Variants in MFHAS1 observed in about 807,000 individuals in gnomAD.
The protein encoded by MFHAS1 is malignant fibrous histiocytoma-amplified sequence 1.
In MFHAS1, 50 loss-of-function variants were observed where a neutral mutation model predicts 70.4. The observed-to-expected ratio is 0.71, with a 90% CI of 0.57 to 0.90. The LOEUF (loss-of-function observed/expected upper bound fraction) is 0.90. Ranked by LOEUF, MFHAS1 falls within the 40% of genes least tolerant of loss-of-function variation. MFHAS1 has a pLI of 0.00. For synonymous variants in MFHAS1, 952 were observed against 620.0 expected (o/e 1.54, Z -7.96); for missense variants, 1,795 against 1,347.6 (o/e 1.33, Z -5.20).
rs751675269 is a variant in MFHAS1 at position 8,890,805 on chromosome 8, G to T, written c.2254C>A (p.Leu752Met). 2.5e-6 allele frequency: 4 copies of T among 1,614,216 alleles called. No homozygotes were observed. Among genetic ancestry groups the T allele is most frequent in the Middle Eastern group, 3.3e-4 (2 of 6,062 alleles). ...QRDPSLLLHK[L>M]LLGTSGEGKA... ...CCCTCTCCACTGGTCCCTAGGAGCAGCTTATGCAGCAGCAAAGAGGGATCC... is the reference window on the plus strand; with the variant it reads ...CCCTCTCCACTGGTCCCTAGGAGCATCTTATGCAGCAGCAAAGAGGGATCC... The change falls in exon 1 of 3, where the codon CTG becomes ATG. Residue 752 changes from leucine (L) to methionine (M), a missense_variant. Coordinates refer to ENST00000276282, the MANE Select transcript of MFHAS1 (RefSeq NM_004225.3).
chr8:8,822,561 AG>A (rs1207722579), intron 1 of MFHAS1, among the ~76,000 whole-genome samples: 2 of 145,690 alleles, frequency 1.4e-5, no homozygotes, highest in Admixed American at 1.4e-4. Context: ...GACCCAAGTC[AG>A]GGGGCCTGAG....
At chr8:8,864,095 T>C (rs1415681639) in intron 1 of MFHAS1, among the ~76,000 whole-genome samples, 2 of 152,228 alleles carry the variant, frequency 1.3e-5, no homozygotes, top group Non-Finnish European at 2.9e-5. Flanking sequence ...GGGAGATGGA[T>C]TTGAGACTGA....
rs1163534472 is a variant in MFHAS1 at position 8,784,814 on chromosome 8, A to G, written c.*1208T>C. 1.3e-5 allele frequency: 2 copies of G among 152,220 alleles called. No individual in the cohort carries two copies. Among genetic ancestry groups the G allele is most frequent in the African/African-American group, 4.8e-5 (2 of 41,456 alleles). 9.4% of individuals were successfully genotyped at this position (152,220 alleles called of 1,614,324 possible). A position where few individuals can be genotyped will look rare whatever the true frequency, so the allele number is the denominator to read the frequency against. On this transcript the variant is annotated 3_prime_UTR_variant, in exon 3 of 3. Transcript: ENST00000276282. ...TAGCATATGCTGTTTGGCCCAATTA[A>G]AAGTAGAATGGAGAGCAATTTGTTT... is the stretch of plus-strand genomic sequence containing the variant.
At chr8:8,872,339 C>G (rs558486251) in intron 1 of MFHAS1, among the ~76,000 whole-genome samples, 6 of 152,160 alleles carry the variant, frequency 3.9e-5, no homozygotes, top group African/African-American at 1.4e-4. Flanking sequence ...ATAAATGTGT[C>G]TGCAATCACA....
chr8:8,851,148 T>C (rs1808235917), intron 1 of MFHAS1, among the ~76,000 whole-genome samples: 1 of 152,236 alleles, frequency 6.6e-6, no homozygotes, highest in Admixed American at 6.5e-5. Flanking sequence ...TTTTTCTCTT[T>C]TTCCTAACCC....
chr8:8,867,246 A>G (rs1223081611), intron 1 of MFHAS1, among the ~76,000 whole-genome samples: 2 of 152,212 alleles, frequency 1.3e-5, no homozygotes, highest in South Asian at 4.1e-4. Context: ...GCATATGCAA[A>G]CCCACTAAAT....
chr8:8,842,646 C>A (rs1807876312), intron 1 of MFHAS1, among the ~76,000 whole-genome samples: 2 of 152,182 alleles, frequency 1.3e-5, no homozygotes, highest in Non-Finnish European at 2.9e-5. Flanking sequence ...CACCCAGGAG[C>A]TGGTAAGGAA....
rs926708016 is a variant in MFHAS1 at position 8,888,908 on chromosome 8, T to G, written c.2998+1153A>C. On this transcript the variant is annotated intron_variant, in intron 1 of 2. Coordinates refer to ENST00000276282, the MANE Select transcript of MFHAS1 (RefSeq NM_004225.3). ...AACTGAAACAAATGTACTGCTCTGGTGGGAGATGTTGACGTTGGTGAAGCT... is the reference window on the plus strand; with the variant it reads ...AACTGAAACAAATGTACTGCTCTGGGGGGAGATGTTGACGTTGGTGAAGCT... Among the ~76,000 whole-genome samples the G allele has an allele frequency of 2.0e-5, 3 of 151,130 alleles. No homozygotes were observed. The Admixed American group carries it at 2.0e-4, about 10-fold the overall frequency.
At chr8:8,879,248 A>G (rs1432183569) in intron 1 of MFHAS1, among the ~76,000 whole-genome samples, 1 of 152,028 alleles carries the variant, frequency 6.6e-6, no homozygotes, top group African/African-American at 2.4e-5. Flanking sequence ...GCTAGTTGGG[A>G]GATGAGGCAG....
intron 1 of MFHAS1, among the ~76,000 whole-genome samples, chr8:8,858,746 C>T (rs1808547338): frequency 6.6e-6 from 1 of 152,048 alleles, no homozygotes; most frequent in African/African-American, 2.4e-5. Flanking sequence ...ATGAGCCAGC[C>T]CTCCGTATGC....
chr8:8,891,261 C>A lies in MFHAS1; in HGVS notation c.1798G>T (p.Asp600Tyr). ...SPHAAYYGVS[D>Y]KNLRRRKAHF... ...GCCTTGCGCCGTCGAAGGTTCTTGT[C>A]CGAAACGCCATAGTAGGCTGCGTGG... Residue 600 changes from aspartate to tyrosine, a missense_variant, in exon 1 of 3, where the codon GAC (aspartate) becomes TAC (tyrosine). Physicochemically the swap from Asp to Tyr is radical, Grantham distance 160. Transcript: ENST00000276282. The surrounding 1 kb of genome is among the most constrained non-coding windows in gnomAD (Gnocchi z 5.4). 6.2e-7 allele frequency: 1 copy of A among 1,612,136 alleles called. No homozygotes were observed. Among genetic ancestry groups the A allele is most frequent in the Non-Finnish European group, 8.5e-7 (1 of 1,180,022 alleles).
chr8:8,796,609 G>A (rs1383119385), intron 2 of MFHAS1, among the ~76,000 whole-genome samples: 1 of 144,606 alleles, frequency 6.9e-6, no homozygotes, highest in African/African-American at 2.6e-5. Context: ...GCCCGAACCC[G>A]GAAGGCGGAG....
At chr8:8,809,310 T>C (rs747128508) in intron 1 of MFHAS1, among the ~76,000 whole-genome samples, 1 of 152,158 alleles carries the variant, frequency 6.6e-6, no homozygotes, top group Non-Finnish European at 1.5e-5. Flanking sequence ...CCAACCCCAG[T>C]CTGTGGTGCC....
Position 8,783,668 on chromosome 8 carries a change from T to C in MFHAS1, c.*2354A>G, listed in dbSNP as rs1160350861. 1.3e-5 allele frequency: 2 copies of C among 152,198 alleles called. No individual in the cohort carries two copies. The highest frequency in any genetic ancestry group is 1.5e-5 in the Non-Finnish European group (1 of 68,036). 9.4% of individuals were successfully genotyped at this position (152,198 alleles called of 1,614,324 possible). A position where few individuals can be genotyped will look rare whatever the true frequency, so the allele number is the denominator to read the frequency against. ...GCAGGAATAGAAACCCTAACAAACT[T>C]GGAGGGCATTTGTTTGAGAGGCAAG... is the stretch of plus-strand genomic sequence containing the variant. On this transcript the variant is annotated 3_prime_UTR_variant, in exon 3 of 3. Transcript: ENST00000276282.
intron 1 of MFHAS1, among the ~76,000 whole-genome samples, chr8:8,837,373 T>C (rs1807635716): frequency 1.3e-5 from 2 of 152,192 alleles, no homozygotes; most frequent in African/African-American, 2.4e-5. Flanking sequence ...CCAGGCGCAG[T>C]GGCTCACGCC....
intron 1 of MFHAS1, among the ~76,000 whole-genome samples, chr8:8,882,464 T>C (rs760383575): frequency 7.9e-5 from 12 of 152,018 alleles, no homozygotes; most frequent in South Asian, 4.2e-4. Context: ...AATTAAGAAA[T>C]AGCCGTGCGT....
At position 8,890,757 on chromosome 8, in the gene MFHAS1, G is replaced by C. The variant is rs775414136; in HGVS notation, c.2302C>G (p.Pro768Ala). 1.2e-6 allele frequency: 2 copies of C among 1,613,902 alleles called. No homozygotes were observed. Among genetic ancestry groups the C allele is most frequent in the South Asian group, 1.1e-5 (1 of 91,074 alleles). The stretch of plus-strand genomic sequence containing the variant: ...CTGGGGGTGGACCGCGCCATGGGCG[G>C]GGAGCTTTCCCCCTCCGCCTTGCCC... ...GEGKAEGESSPPMARSTPSQE... is the reference protein window; with the variant it reads ...GEGKAEGESSAPMARSTPSQE... Residue 768 changes from proline to alanine, a missense_variant, in exon 1 of 3, where the codon CCG becomes GCG. Pro to Ala is a conservative substitution (Grantham distance 27, BLOSUM62 -1). Transcript: ENST00000276282.
At chr8:8,807,738 A>G (rs1414596600) in intron 1 of MFHAS1, among the ~76,000 whole-genome samples, 1 of 152,254 alleles carries the variant, frequency 6.6e-6, no homozygotes, top group African/African-American at 2.4e-5. Flanking sequence ...AAGTAAATTA[A>G]TAGTGGGACA....
chr8:8,814,340 T>C (rs1481879458), intron 1 of MFHAS1, among the ~76,000 whole-genome samples: 2 of 152,210 alleles, frequency 1.3e-5, no homozygotes, highest in African/African-American at 4.8e-5. Flanking sequence ...TTCAGTACAG[T>C]CACATGCTGT....
Sources: allele counts gnomAD v4.1 joint callset (sites outside exome capture counted in the v4.1 genomes callset), GRCh38; gene constraint gnomAD v4.1.1; non-coding constraint Gnocchi (gnomAD v3.1); transcripts MANE v1.5; gene names NCBI Gene and HGNC (gene_info 2026-07-23, HGNC 2026-07-21).